Variants in NSMAF observed in about 807,000 individuals in gnomAD.
The protein encoded by NSMAF is neutral sphingomyelinase activation associated factor, also known as protein FAN.
In NSMAF, 90 loss-of-function variants were observed where a neutral mutation model predicts 134.9. That is an observed-to-expected ratio of 0.67 (90% CI 0.56 to 0.79). The LOEUF (loss-of-function observed/expected upper bound fraction) is 0.79. Among genes scored for constraint, NSMAF ranks in the 30% least tolerant of loss-of-function variants. NSMAF has a pLI of 0.00. For missense variants in NSMAF, 1,010 were observed against 1,119.0 expected, an observed-to-expected ratio of 0.90 and a Z score of 1.39; for synonymous variants, 358 against 389.6, an observed-to-expected ratio of 0.92 and a Z score of 0.96.
At chr8:58,615,335 A>T (rs1806633942) in intron 9 of NSMAF, among the ~76,000 whole-genome samples, 1 of 152,204 alleles carries the variant, frequency 6.6e-6, no homozygotes, top group Admixed American at 6.5e-5. Flanking sequence ...AACCAGTTGG[A>T]CCCATACGGC....
intron 1 of NSMAF, among the ~76,000 whole-genome samples, chr8:58,653,348 T>C (rs1807628987): frequency 6.6e-6 from 1 of 152,092 alleles, no homozygotes; most frequent in Non-Finnish European, 1.5e-5. Context: ...ATATTTGTAA[T>C]AATAAATGTA....
At chr8:58,659,215 G>T (rs1016330336) in intron 1 of NSMAF, 32 of 1,463,612 alleles carry the variant, frequency 2.2e-5, no homozygotes, top group Non-Finnish European at 2.9e-5. Context: ...GAACGCCCGG[G>T]CTCGCGTGCC....
intron 8 of NSMAF, 30 bp from the exon 9 acceptor site, chr8:58,623,302 T>TCGAA (rs574823749): frequency 0.066 from 50,820 of 770,372 alleles, 8,639 homozygotes; most frequent in African/African-American, 0.23. Context: ...AAAAAAGTAT[T>TCGAA]TATAAGTATT....
At chr8:58,596,031 G>T (rs1401916245) in intron 21 of NSMAF, 2 of 190,836 alleles carry the variant, frequency 1.0e-5, no homozygotes, top group South Asian at 1.6e-4. Context: ...CTGGTGTGGG[G>T]TGGGGAAAGC....
At chr8:58,600,081 C>T in intron 16 of NSMAF, 60 bp from the exon 17 acceptor site, 1 of 1,263,888 alleles carries the variant, frequency 7.9e-7, no homozygotes, top group Non-Finnish European at 1.1e-6. Context: ...AGCAGCATTT[C>T]CTATGCACTT....
intron 23 of NSMAF, among the ~76,000 whole-genome samples, chr8:58,592,762 C>A (rs1200736548): frequency 6.6e-6 from 1 of 152,040 alleles, no homozygotes; most frequent in East Asian, 1.9e-4. Flanking sequence ...TGGTGGGTGC[C>A]TGTGAACCCA....
chr8:58,629,216 C>T (rs975257592), intron 6 of NSMAF, among the ~76,000 whole-genome samples: 6 of 152,106 alleles, frequency 3.9e-5, no homozygotes, highest in Non-Finnish European at 5.9e-5. Flanking sequence ...GCTTTCTTAA[C>T]TCTTTTTCAT....
Position 58,635,308 on chromosome 8 carries a change from G to C in NSMAF, c.293C>G (p.Thr98Arg), listed in dbSNP as rs1807145498. 1 of 1,611,046 alleles carries C rather than the reference G, an allele frequency of 6.2e-7. No individual in the cohort carries two copies. The highest frequency in any genetic ancestry group is 8.5e-7 in the Non-Finnish European group (1 of 1,178,538). Residue 98 changes from threonine (T) to arginine (R), a missense_variant, in exon 4 of 31, where the codon ACA (threonine) becomes AGA (arginine). Physicochemically the swap from Thr to Arg is moderately conservative, Grantham distance 71. Coordinates refer to ENST00000038176, the MANE Select transcript of NSMAF (RefSeq NM_003580.4). ...HGENGANRHF[T>R]KAKSGGISLI... ...AACAGTGGTGAAAATGACATACTTT[G>C]TGAAGTGTCTATTGGCTCCATTTTC...
chr8:58,610,880 G>A (rs1259333473), intron 9 of NSMAF, among the ~76,000 whole-genome samples: 2 of 152,188 alleles, frequency 1.3e-5, no homozygotes, highest in African/African-American at 4.8e-5. Flanking sequence ...CTGTGGAAGA[G>A]AAAGTCTTTA....
In NSMAF at chr8:58,599,895, A is replaced by G. The variant is rs771385606; in HGVS notation, c.1333-25T>C. 1.9e-6 allele frequency: 3 copies of G among 1,613,152 alleles called. No homozygotes were observed. The South Asian group carries it at 3.3e-5, about 18-fold the overall frequency. On this transcript the variant is annotated intron_variant, in intron 17 of 30. Transcript: ENST00000038176. The stretch of plus-strand genomic sequence containing the variant: ...ACTGAAAGTTTCGGGGAAAAATAAA[A>G]AAGAACAACAAACATGTTTTAAAGC...
intron 12 of NSMAF, among the ~76,000 whole-genome samples, chr8:58,605,364 T>C (rs1806380330): frequency 6.6e-6 from 1 of 152,214 alleles, no homozygotes; most frequent in Admixed American, 6.5e-5. Context: ...TGCCTCGCAG[T>C]ACAAAACTGA....
intron 9 of NSMAF, among the ~76,000 whole-genome samples, chr8:58,615,984 C>A (rs2129143277): frequency 1.3e-5 from 2 of 152,210 alleles, no homozygotes; most frequent in African/African-American, 2.4e-5. Context: ...GTAGATACTA[C>A]AGATGCTGCT....
At chr8:58,617,005 C>T (rs1806671787) in intron 9 of NSMAF, among the ~76,000 whole-genome samples, 2 of 152,116 alleles carry the variant, frequency 1.3e-5, no homozygotes, top group South Asian at 4.1e-4. Context: ...CAAAAGATGG[C>T]AGCATCTACA....
chr8:58,642,807 C>A (rs968843896), intron 2 of NSMAF, among the ~76,000 whole-genome samples, 177 bp downstream of exon 2: 5 of 152,120 alleles, frequency 3.3e-5, no homozygotes, highest in African/African-American at 7.2e-5. Context: ...AGCAAAAACT[C>A]TCCAAAAGAC....
chr8:58,620,528 T>C (rs761817012), intron 9 of NSMAF, among the ~76,000 whole-genome samples: 4 of 152,246 alleles, frequency 2.6e-5, no homozygotes, highest in Non-Finnish European at 5.9e-5. Flanking sequence ...TTTATTTATA[T>C]TTTTAATGGC....
chr8:58,601,424 G>T (rs1209996214), intron 15 of NSMAF, 21 bp downstream of exon 15: 2 of 1,611,748 alleles, frequency 1.2e-6, no homozygotes, highest in South Asian at 1.1e-5. Context: ...TTTAATTGGG[G>T]GTAATGATAA....
In NSMAF at chr8:58,626,160, G is replaced by A. The variant is rs192195983; in HGVS notation, c.385-2380C>T. Among the ~76,000 whole-genome samples the A allele has an allele frequency of 5.9e-3, 836 of 141,840 alleles. 7 individuals are homozygous for A. Among genetic ancestry groups the A allele is most frequent in the African/African-American group, 0.02 (765 of 38,124 alleles). 93.1% of individuals were successfully genotyped at this position (141,840 alleles called of 152,430 possible). A position where few individuals can be genotyped will look rare whatever the true frequency, so the allele number is the denominator to read the frequency against. Reference sequence around the variant, plus strand: ...CCCAGGCTGGATGGAGTGCAGTGGCGCGATCTTGGCTCTCTGCAAGCTCTG... The same window carrying A: ...CCCAGGCTGGATGGAGTGCAGTGGCACGATCTTGGCTCTCTGCAAGCTCTG... On this transcript the variant is annotated intron_variant, in intron 6 of 30. Transcript: ENST00000038176.
At chr8:58,614,507 A>G (rs909324328) in intron 9 of NSMAF, among the ~76,000 whole-genome samples, 3 of 152,190 alleles carry the variant, frequency 2.0e-5, no homozygotes, top group Non-Finnish European at 2.9e-5. Flanking sequence ...TAGATAATGG[A>G]CATCTGGGTT....
intron 9 of NSMAF, among the ~76,000 whole-genome samples, chr8:58,615,979 T>C (rs193161929): frequency 2.0e-5 from 3 of 152,260 alleles, no homozygotes; most frequent in Admixed American, 2.0e-4. Flanking sequence ...GAAGGGTAGA[T>C]ACTACAGATG....
Sources: gnomAD v4.1 joint callset for allele counts (sites outside exome capture counted in the v4.1 genomes callset) on GRCh38, gnomAD v4.1.1 for gene constraint, MANE v1.5 for transcripts, NCBI Gene and HGNC (gene_info 2026-07-23, HGNC 2026-07-21) for gene names.